The following ROBO2 variants were observed in gnomAD, a reference collection of about 807,000 sequenced individuals.
ROBO2 encodes the protein roundabout homolog 2.
Under a neutral mutation model 160.8 loss-of-function variants are expected in ROBO2, and 53 were observed. The observed-to-expected ratio is 0.33, with a 90% CI of 0.26 to 0.41. The LOEUF is 0.41. ROBO2 is among the 10% of genes least tolerant of loss of function. ROBO2 has a pLI of 1.00. For synonymous variants in ROBO2, 664 were observed against 611.7 expected, an observed-to-expected ratio of 1.09 and a Z score of -1.26; for missense variants, 1,577 against 1,722.4, an observed-to-expected ratio of 0.92 and a Z score of 1.49.
chr3:76,030,949 A>G (rs570588601), intron 2 of ROBO2, among the ~76,000 whole-genome samples: 58 of 152,226 alleles, frequency 3.8e-4, no homozygotes, highest in South Asian at 1.7e-3. Flanking sequence ...TCTATAAATT[A>G]CCTTGGGGAG....
rs1410658222 is a variant in ROBO2 at position 76,272,033 on chromosome 3, T to C, written c.109+334431T>C. On this transcript the variant is annotated intron_variant, in intron 2 of 26. Transcript: ENST00000487694. ...CATACATCCATATTCTTAATATGTT[T>C]AGCTTTAGACACATCTAAATATGCT... is the stretch of plus-strand genomic sequence containing the variant. Among the ~76,000 whole-genome samples the C allele has an allele frequency of 2.6e-5, 4 of 152,168 alleles. No homozygotes were observed. In the East Asian group the frequency reaches 7.7e-4, roughly 29 times the overall value.
chr3:76,742,243 T>C (rs2093814315), intron 2 of ROBO2, among the ~76,000 whole-genome samples: 1 of 152,140 alleles, frequency 6.6e-6, no homozygotes, highest in African/African-American at 2.4e-5. Flanking sequence ...TAGAACTGCC[T>C]ATACCCTTAA....
At position 77,263,172 on chromosome 3, in the gene ROBO2, A is replaced by C. The variant is rs184687893; in HGVS notation, c.388+164832A>C. 1.6e-3 allele frequency among the ~76,000 whole-genome samples: 249 copies of C among 152,328 alleles called. 1 individual carries two copies. The highest frequency in any genetic ancestry group is 5.8e-3 in the African/African-American group (240 of 41,568). On this transcript the variant is annotated intron_variant, in intron 2 of 25. Coordinates refer to ENST00000461745, the Ensembl canonical transcript of ROBO2. ...GAACTATGGTGGTAGAAAAAAAGCC[A>C]CATTTCAAATAGACATGACTTCAGA...
At chr3:76,297,697 T>C (rs898845039) in intron 2 of ROBO2, among the ~76,000 whole-genome samples, 6 of 120,080 alleles carry the variant, frequency 5.0e-5, no homozygotes, top group Admixed American at 8.8e-5. Context: ...AGAAGAAAGC[T>C]GCTTTCCTTA....
chr3:77,596,871 A>G (rs553430432), intron 19 of ROBO2, 121 bp downstream of exon 20: 6 of 1,114,330 alleles, frequency 5.4e-6, no homozygotes, highest in African/African-American at 1.6e-5. Flanking sequence ...ATTAAAATCA[A>G]TGAAACATAT....
chr3:76,201,878 ACG>A (rs1481562279), intron 2 of ROBO2, among the ~76,000 whole-genome samples: 1 of 131,464 alleles, frequency 7.6e-6, no homozygotes, highest in Non-Finnish European at 1.6e-5. Context: ...GTGCAATACA[ACG>A]AGAAATGTCA....
At chr3:77,368,972 G>A (rs2071355205) in intron 2 of ROBO2, among the ~76,000 whole-genome samples, 1 of 152,058 alleles carries the variant, frequency 6.6e-6, no homozygotes, top group South Asian at 2.1e-4. Context: ...TACTTACGGG[G>A]GTGTTAAAAT....
intron 1 of ROBO2, among the ~76,000 whole-genome samples, chr3:77,058,683 C>T (rs920804120): frequency 6.6e-6 from 1 of 151,862 alleles, no homozygotes; most frequent in Non-Finnish European, 1.5e-5. Context: ...GCCTGCACCA[C>T]CACACTTGGG....
intron 2 of ROBO2, among the ~76,000 whole-genome samples, chr3:76,417,603 T>A (rs1255692849): frequency 6.6e-6 from 1 of 152,056 alleles, no homozygotes; most frequent in Non-Finnish European, 1.5e-5. Context: ...TTCAAATAAT[T>A]GGGGAAAGAA....
intron 2 of ROBO2, among the ~76,000 whole-genome samples, chr3:77,253,312 A>G (rs925454301): frequency 1.3e-5 from 2 of 152,208 alleles, no homozygotes; most frequent in South Asian, 4.1e-4. Context: ...AAGCATTTCT[A>G]TGAGTTGAAT....
intron 2 of ROBO2, among the ~76,000 whole-genome samples, chr3:76,670,302 G>T (rs2092216210): frequency 6.8e-6 from 1 of 147,026 alleles, no homozygotes; most frequent in Non-Finnish European, 1.5e-5. Context: ...AAGAAAGAAT[G>T]ACATAAATCC....
At chr3:76,874,540 G>A (rs2072493116) in intron 2 of ROBO2, among the ~76,000 whole-genome samples, 1 of 152,066 alleles carries the variant, frequency 6.6e-6, no homozygotes, top group Non-Finnish European at 1.5e-5. Flanking sequence ...CTAGCAGAGG[G>A]GCCATGGTGC....
intron 2 of ROBO2, among the ~76,000 whole-genome samples, chr3:76,580,328 G>GTTTTTTTTTT (rs748888426): frequency 4.5e-5 from 3 of 67,320 alleles, no homozygotes; most frequent in Non-Finnish European, 5.4e-5. Flanking sequence ...TTTTTTTTTT[G>GTTTTTTTTTT]TTTTTTTTTT....
chr3:75,925,055 T>A (rs1947232293), intron 1 of ROBO2, among the ~76,000 whole-genome samples: 1 of 152,064 alleles, frequency 6.6e-6, no homozygotes, highest in African/African-American at 2.4e-5. Context: ...TTAAGTGTTC[T>A]ATTTTGTGAA....
chr3:76,139,477 T>G (rs1193041004), intron 2 of ROBO2, among the ~76,000 whole-genome samples: 1 of 152,082 alleles, frequency 6.6e-6, no homozygotes. Context: ...TAGGGAGGAC[T>G]GTTTTCCACA....
At chr3:75,927,236 C>G (rs1302634802) in intron 1 of ROBO2, among the ~76,000 whole-genome samples, 3 of 152,064 alleles carry the variant, frequency 2.0e-5, no homozygotes, top group Non-Finnish European at 4.4e-5. Context: ...CTATTTAGTT[C>G]AGTTATATTC....
At chr3:76,735,785 A>G (rs369616938) in intron 2 of ROBO2, among the ~76,000 whole-genome samples, 10 of 30,906 alleles carry the variant, frequency 3.2e-4, no homozygotes, top group South Asian at 2.2e-3. Flanking sequence ...AGAAAAAAAA[A>G]AGGGGAAAGG....
At chr3:77,200,817 A>G (rs886824688) in intron 2 of ROBO2, among the ~76,000 whole-genome samples, 1 of 152,200 alleles carries the variant, frequency 6.6e-6, no homozygotes, top group African/African-American at 2.4e-5. Context: ...GGTTAAGCAC[A>G]TTGTGTCTGA....
At chr3:77,112,141 G>A (rs1277673733) in intron 2 of ROBO2, among the ~76,000 whole-genome samples, 2 of 146,978 alleles carry the variant, frequency 1.4e-5, no homozygotes, top group Admixed American at 6.9e-5. Flanking sequence ...GCAGTGAGCC[G>A]AGATCGCGCC....
Sources: allele counts gnomAD v4.1 joint callset (sites outside exome capture counted in the v4.1 genomes callset), GRCh38; gene constraint gnomAD v4.1.1; transcripts MANE v1.5; gene names NCBI Gene and HGNC (gene_info 2026-07-23, HGNC 2026-07-21).